The following NMNAT3 variants were observed in gnomAD, a reference collection of about 807,000 sequenced individuals.
NMNAT3 encodes nicotinamide/nicotinic acid mononucleotide adenylyltransferase 3.
NMNAT3 carries 21 observed loss-of-function variants against 24.8 expected under a neutral mutation model. The ratio of observed to expected loss-of-function variants is 0.85; its 90% CI spans 0.60 to 1.22. The LOEUF is 1.22. NMNAT3 is among the 50% of genes most tolerant of loss of function. NMNAT3 has a pLI of 0.00. For missense variants in NMNAT3, 387 were observed against 436.6 expected (o/e 0.89, Z 1.01); for synonymous variants, 136 against 155.2 (o/e 0.88, Z 0.92).
chr3:139,593,496 A>G (rs974698410), intron 3 of NMNAT3, among the ~76,000 whole-genome samples: 2 of 152,180 alleles, frequency 1.3e-5, no homozygotes, highest in African/African-American at 4.8e-5. Context: ...ACCCCAAATC[A>G]ACAGAATATA....
chr3:139,656,596 T>C (rs2108408026), intron 1 of NMNAT3, among the ~76,000 whole-genome samples: 1 of 152,318 alleles, frequency 6.6e-6, no homozygotes, highest in South Asian at 2.1e-4. Context: ...GAGACCAGCC[T>C]GGGCAACACA....
chr3:139,649,922 T>C (rs181555787), intron 1 of NMNAT3, among the ~76,000 whole-genome samples: 2 of 152,266 alleles, frequency 1.3e-5, no homozygotes, highest in Admixed American at 6.5e-5. Flanking sequence ...CTTCACAACA[T>C]TCAATTTAGG....
chr3:139,573,738 C>T, intron 5 of NMNAT3, 58 bp from the exon 6 acceptor site: 1 of 934,364 alleles, frequency 1.1e-6, no homozygotes, highest in East Asian at 2.7e-5. Context: ...CAAAGCCACC[C>T]AGGGATTTTC....
chr3:139,666,454 A>C (rs1361328383), intron 1 of NMNAT3, among the ~76,000 whole-genome samples: 1 of 152,182 alleles, frequency 6.6e-6, no homozygotes, highest in African/African-American at 2.4e-5. Context: ...AGCCTTTTAA[A>C]AATTATTTTG....
At chr3:139,612,203 G>A (rs2055255916) in intron 3 of NMNAT3, among the ~76,000 whole-genome samples, 1 of 151,184 alleles carries the variant, frequency 6.6e-6, no homozygotes, top group South Asian at 2.1e-4. Context: ...GATACATTCT[G>A]GAGACCATAG....
chr3:139,657,227 C>T (rs2057274155), intron 1 of NMNAT3, among the ~76,000 whole-genome samples: 1 of 152,202 alleles, frequency 6.6e-6, no homozygotes, highest in Non-Finnish European at 1.5e-5. Flanking sequence ...CATTCGGTCC[C>T]TCCATCCAAG....
chr3:139,632,313 G>A (rs1204446937), intron 2 of NMNAT3, among the ~76,000 whole-genome samples: 3 of 151,868 alleles, frequency 2.0e-5, no homozygotes, highest in African/African-American at 4.8e-5. Context: ...CACTTCACCC[G>A]ACTCAATCTG....
chr3:139,602,313 T>A (rs2054753599), intron 3 of NMNAT3, among the ~76,000 whole-genome samples: 1 of 152,314 alleles, frequency 6.6e-6, no homozygotes, highest in South Asian at 2.1e-4. Context: ...AACAGCATTG[T>A]ATTAGGGAAG....
intron 5 of NMNAT3, among the ~76,000 whole-genome samples, chr3:139,577,531 C>T (rs959284788): frequency 3.9e-5 from 6 of 152,160 alleles, no homozygotes; most frequent in South Asian, 2.1e-4. Context: ...GAGGAGCAAG[C>T]GTCTGTTTCT....
At chr3:139,612,452 T>G (rs4683403) in intron 3 of NMNAT3, among the ~76,000 whole-genome samples, 141,644 of 152,186 alleles carry the variant, frequency 0.93, 66,802 homozygotes, top group East Asian at 1. Context: ...AGGTGGGAAA[T>G]GTATGCTGGA....
chr3:139,591,232 C>T (rs2054155262), intron 3 of NMNAT3, among the ~76,000 whole-genome samples: 1 of 151,588 alleles, frequency 6.6e-6, no homozygotes, highest in East Asian at 1.9e-4. Context: ...AATCGGGTCA[C>T]TCCCACCCGA....
intron 3 of NMNAT3, among the ~76,000 whole-genome samples, chr3:139,600,020 C>T (rs905472133): frequency 3.3e-5 from 5 of 152,186 alleles, no homozygotes; most frequent in African/African-American, 9.7e-5. Flanking sequence ...CCTCTCTCCT[C>T]AGTGCCCTTG....
At chr3:139,657,434 CTCTT>C (rs1186407836) in intron 1 of NMNAT3, among the ~76,000 whole-genome samples, 2 of 152,232 alleles carry the variant, frequency 1.3e-5, no homozygotes, top group African/African-American at 4.8e-5. Context: ...TCAGAAATTA[CTCTT>C]TCTTCTCTAG....
chr3:139,660,828 G>A (rs1206842114), intron 1 of NMNAT3, among the ~76,000 whole-genome samples: 1 of 98,430 alleles, frequency 1.0e-5, no homozygotes, highest in Non-Finnish European at 2.0e-5. Flanking sequence ...AGGCTAAGGG[G>A]AGATAAAAAA....
chr3:139,593,448 G>T (rs13060592), intron 3 of NMNAT3, among the ~76,000 whole-genome samples: 20,992 of 152,112 alleles, frequency 0.14, 1,897 homozygotes, highest in Non-Finnish European at 0.21. Flanking sequence ...ACTCAGCTCT[G>T]CACCAAGCGG....
At chr3:139,666,886 T>C (rs1448000197) in intron 1 of NMNAT3, among the ~76,000 whole-genome samples, 2 of 152,226 alleles carry the variant, frequency 1.3e-5, no homozygotes, top group East Asian at 3.8e-4. Context: ...TGTCCTCCAG[T>C]TCCATCCATG....
At chr3:139,572,866 A>G (rs1938620867) in intron 6 of NMNAT3, among the ~76,000 whole-genome samples, 1 of 152,216 alleles carries the variant, frequency 6.6e-6, no homozygotes, top group East Asian at 1.9e-4. Flanking sequence ...CAGCATTCCT[A>G]AACTCTTCTA....
At chr3:139,592,363 G>A (rs974874563) in intron 3 of NMNAT3, among the ~76,000 whole-genome samples, 5 of 152,108 alleles carry the variant, frequency 3.3e-5, no homozygotes, top group Admixed American at 6.5e-5. Flanking sequence ...TGAAAGTGAC[G>A]GGGAGAATGG....
intron 6 of NMNAT3, chr3:139,570,173 T>C (rs1014468311): frequency 3.9e-5 from 6 of 152,214 alleles, no homozygotes; most frequent in Non-Finnish European, 8.8e-5. Context: ...GTAGCTCTCG[T>C]GCCTTGGTTT....
Sources: gnomAD v4.1 joint callset for allele counts (sites outside exome capture counted in the v4.1 genomes callset) on GRCh38, gnomAD v4.1.1 for gene constraint, MANE v1.5 for transcripts, NCBI Gene and HGNC (gene_info 2026-07-23, HGNC 2026-07-21) for gene names.